Variants in STK24 observed in about 807,000 individuals in gnomAD.
STK24 encodes serine/threonine-protein kinase 24.
Under a neutral mutation model 55.6 loss-of-function variants are expected in STK24, and 21 were observed. The ratio of observed to expected loss-of-function variants is 0.38; its 90% CI spans 0.27 to 0.54. The LOEUF (loss-of-function observed/expected upper bound fraction) is 0.54. Among genes scored for constraint, STK24 ranks in the 20% least tolerant of loss-of-function variants. The pLI is 0.79. For missense variants in STK24, 383 were observed against 538.4 expected, an observed-to-expected ratio of 0.71 and a Z score of 2.86; for synonymous variants, 200 against 215.2, an observed-to-expected ratio of 0.93 and a Z score of 0.62.
At chr13:98,524,448 G>C (rs931081585) in intron 1 of STK24, among the ~76,000 whole-genome samples, 2 of 152,134 alleles carry the variant, frequency 1.3e-5, no homozygotes, top group Non-Finnish European at 2.9e-5. Flanking sequence ...GCACGGCACC[G>C]GATAAACATG....
chr13:98,465,344 T>A (rs1280157877), intron 6 of STK24, among the ~76,000 whole-genome samples: 3 of 152,188 alleles, frequency 2.0e-5, no homozygotes, highest in Non-Finnish European at 4.4e-5. Context: ...CTCAGCCAGC[T>A]CCTCGGTAGC....
At chr13:98,559,031 A>T (rs1897347959) in intron 1 of STK24, among the ~76,000 whole-genome samples, 1 of 122,596 alleles carries the variant, frequency 8.2e-6, no homozygotes, top group Non-Finnish European at 1.8e-5. Context: ...AAAAAAAAAA[A>T]ATACAAAATT....
chr13:98,509,959 C>T (rs9517331), intron 2 of STK24, among the ~76,000 whole-genome samples: 11,640 of 152,218 alleles, frequency 0.076, 524 homozygotes, highest in Non-Finnish European at 0.099. Flanking sequence ...GATTTGACCA[C>T]GACATATTAT....
chr13:98,464,372 T>A (rs1402075724), intron 6 of STK24, among the ~76,000 whole-genome samples: 1 of 150,964 alleles, frequency 6.6e-6, no homozygotes, highest in Non-Finnish European at 1.5e-5. Flanking sequence ...GGAGCCGAGA[T>A]CGCGCCACTG....
rs117391589 is a variant in STK24, at chr13:98,459,112, A to G, written c.1122+1260T>C. Among the ~76,000 whole-genome samples the G allele has an allele frequency of 9.3e-3, 1,417 of 152,302 alleles. 16 individuals are homozygous for G. Among genetic ancestry groups the G allele is most frequent in the South Asian group, 0.036 (173 of 4,824 alleles). ...TGAAAAAGTCCATGCACTTTCCCTA[A>G]CTGCCTGACTGACCCTATTCCAGCG... On this transcript the variant is annotated intron_variant, in intron 9 of 10. Transcript: ENST00000539966.
At chr13:98,487,998 G>A (rs935892278) in intron 2 of STK24, among the ~76,000 whole-genome samples, 4 of 151,852 alleles carry the variant, frequency 2.6e-5, no homozygotes, top group African/African-American at 9.7e-5. Flanking sequence ...CATTTTTATG[G>A]ACTGAATTGT....
chr13:98,496,458 G>A lies in STK24; in HGVS notation c.274-14137C>T, dbSNP rs114420950. ...AAACAGAAGTCCCCAGCGTCACTGG[G>A]CCCCGGTGGGCTGTGGCTGCGCAAC... On this transcript the variant is annotated intron_variant, in intron 2 of 10. Coordinates refer to ENST00000539966, the MANE Select transcript of STK24 (RefSeq NM_001032296.4). Among the ~76,000 whole-genome samples the A allele has an allele frequency of 9.1e-3, 1,384 of 152,288 alleles. 18 individuals carry two copies. Among genetic ancestry groups the A allele is most frequent in the African/African-American group, 0.03 (1,262 of 41,540 alleles).
At chr13:98,503,562 T>G (rs1895570479) in intron 2 of STK24, among the ~76,000 whole-genome samples, 1 of 152,190 alleles carries the variant, frequency 6.6e-6, no homozygotes, top group Admixed American at 6.5e-5. Flanking sequence ...GCGGACAGCT[T>G]CACGTTCCCC....
chr13:98,453,148 C>T lies in STK24; in HGVS notation c.*25G>A. 6.2e-7 allele frequency: 1 copy of T among 1,613,276 alleles called. No homozygotes were observed. The highest frequency in any genetic ancestry group is 8.5e-7 in the Non-Finnish European group (1 of 1,179,652). ...GGATGAAGAAGGAAAAAAGGAAAAACAAAACCCCAAATGCCAAAGGAATTT... is the reference window on the plus strand; with the variant it reads ...GGATGAAGAAGGAAAAAAGGAAAAATAAAACCCCAAATGCCAAAGGAATTT... On this transcript the variant is annotated 3_prime_UTR_variant, in exon 11 of 11. Transcript: ENST00000539966.
chr13:98,555,911 T>C (rs1353194628), intron 1 of STK24, among the ~76,000 whole-genome samples: 3 of 151,678 alleles, frequency 2.0e-5, no homozygotes, highest in Non-Finnish European at 2.9e-5. Context: ...CTCAATCTCC[T>C]GACCTTGTGA....
chr13:98,465,250 A>T (rs1194706326), intron 6 of STK24, among the ~76,000 whole-genome samples: 2 of 152,212 alleles, frequency 1.3e-5, no homozygotes, highest in African/African-American at 2.4e-5. Flanking sequence ...CTCATGAGAA[A>T]CGTGGATCAC....
rs546101935 is a variant in STK24 at position 98,482,197 on chromosome 13, A to T, written c.330+68T>A. 123 of 876,548 alleles carry T rather than the reference A, an allele frequency of 1.4e-4. No homozygotes were observed. In the East Asian group the frequency reaches 2.4e-3, roughly 17 times the overall value. 54.3% of individuals were successfully genotyped at this position (876,548 alleles called of 1,614,324 possible). A position where few individuals can be genotyped will look rare whatever the true frequency, so the allele number is the denominator to read the frequency against. On this transcript the variant is annotated intron_variant, in intron 3 of 10. Transcript: ENST00000539966. The stretch of plus-strand genomic sequence containing the variant: ...AAAAAGAAATGGATACATGCAATGG[A>T]TTCTTTAAAACCCAGGTTTCCTGAG...
At chr13:98,461,033 G>C (rs1200797191) in intron 8 of STK24, among the ~76,000 whole-genome samples, 1 of 142,472 alleles carries the variant, frequency 7.0e-6, no homozygotes, top group Non-Finnish European at 1.5e-5. Flanking sequence ...GGGCAACAGA[G>C]ACCCCGTCTC....
chr13:98,539,794 T>C (rs917804958), intron 1 of STK24, among the ~76,000 whole-genome samples: 1 of 152,088 alleles, frequency 6.6e-6, no homozygotes, highest in African/African-American at 2.4e-5. Context: ...AGGTTAAGCA[T>C]AAAACTACCA....
intron 1 of STK24, chr13:98,576,307 G>A (rs1274025535): frequency 3.6e-6 from 3 of 832,912 alleles, no homozygotes; most frequent in Non-Finnish European, 4.3e-6. Context: ...GCCCGGGGGT[G>A]GGGGACGAGC....
At chr13:98,532,318 GAGA>G (rs1271416960) in intron 1 of STK24, among the ~76,000 whole-genome samples, 3 of 152,068 alleles carry the variant, frequency 2.0e-5, no homozygotes, top group African/African-American at 7.2e-5. Context: ...TTCTCCATGA[GAGA>G]AGGAGAGGGC....
At chr13:98,511,338 A>G (rs1023146662) in intron 2 of STK24, among the ~76,000 whole-genome samples, 1 of 152,260 alleles carries the variant, frequency 6.6e-6, no homozygotes, top group African/African-American at 2.4e-5. Flanking sequence ...AATGGCAAAC[A>G]TGAAAATTAC....
At chr13:98,458,732 T>C (rs1224919998) in intron 9 of STK24, among the ~76,000 whole-genome samples, 1 of 152,144 alleles carries the variant, frequency 6.6e-6, no homozygotes, top group Non-Finnish European at 1.5e-5. Flanking sequence ...CCTGTCCCCT[T>C]GCCGTGTGGA....
chr13:98,524,505 C>T (rs1896366066), intron 1 of STK24, among the ~76,000 whole-genome samples: 1 of 152,194 alleles, frequency 6.6e-6, no homozygotes, highest in Non-Finnish European at 1.5e-5. Context: ...TTCCTCGCTG[C>T]CTCTGCTGAA....
Sources: allele counts gnomAD v4.1 joint callset (sites outside exome capture counted in the v4.1 genomes callset), GRCh38; gene constraint gnomAD v4.1.1; transcripts MANE v1.5; gene names NCBI Gene and HGNC (gene_info 2026-07-23, HGNC 2026-07-21).